Variants in CFAP70 observed in about 807,000 individuals in gnomAD.
CFAP70 encodes the protein cilia- and flagella-associated protein 70.
CFAP70 carries 81 observed loss-of-function variants against 137.6 expected under a neutral mutation model. That is an observed-to-expected ratio of 0.59 (90% confidence interval 0.49 to 0.71). CFAP70 has a LOEUF of 0.71. Among genes scored for constraint, CFAP70 ranks in the 30% least tolerant of loss-of-function variants. CFAP70 has a pLI of 0.00. For missense variants in CFAP70, 976 were observed against 1,226.7 expected (o/e 0.80, Z 3.05); for synonymous variants, 382 against 423.6 (o/e 0.90, Z 1.20).
intron 3 of CFAP70, among the ~76,000 whole-genome samples, chr10:73,352,521 C>A (rs569860857): frequency 1.3e-5 from 2 of 152,228 alleles, no homozygotes; most frequent in African/African-American, 4.8e-5. Flanking sequence ...CAGGTTGCCA[C>A]CTTCTTCAGC....
chr10:73,300,098 TC>T (rs2048838943), intron 12 of CFAP70, among the ~76,000 whole-genome samples: 1 of 152,144 alleles, frequency 6.6e-6, no homozygotes, highest in Admixed American at 6.5e-5. Flanking sequence ...TCTTCTTTCC[TC>T]CCCGTCTACA....
intron 10 of CFAP70, among the ~76,000 whole-genome samples, chr10:73,312,139 T>C (rs1252973293): frequency 6.6e-6 from 1 of 151,712 alleles, no homozygotes; most frequent in Non-Finnish European, 1.5e-5. Flanking sequence ...TAAGTGGGAG[T>C]TGAACCATGA....
chr10:73,254,219 C>A, intron 26 of CFAP70, 164 bp from the exon 28 acceptor site: 1 of 442,202 alleles, frequency 2.3e-6, no homozygotes, highest in Non-Finnish European at 4.0e-6. Flanking sequence ...AGTAGAAGAC[C>A]TTAGAACCTT....
chr10:73,310,558 C>G (rs372988244), intron 11 of CFAP70, among the ~76,000 whole-genome samples: 7 of 152,260 alleles, frequency 4.6e-5, no homozygotes, highest in African/African-American at 1.7e-4. Context: ...AAGTGAATGC[C>G]TTTCTTTCTT....
At chr10:73,333,916 G>A (rs1457028035) in intron 7 of CFAP70, among the ~76,000 whole-genome samples, 1 of 152,128 alleles carries the variant, frequency 6.6e-6, no homozygotes, top group East Asian at 1.9e-4. Flanking sequence ...TGGCAACAAT[G>A]TATCCTCAAT....
chr10:73,293,138 TGGA>T, intron 16 of CFAP70, 122 bp downstream of exon 17: 1 of 1,002,392 alleles, frequency 1.0e-6, no homozygotes, highest in Non-Finnish European at 1.4e-6. Context: ...AACCTATTTT[TGGA>T]CTTTATTGTT....
At chr10:73,293,876 C>T (rs2048348369) in intron 15 of CFAP70, 1 of 152,182 alleles carries the variant, frequency 6.6e-6, no homozygotes, top group Non-Finnish European at 1.5e-5. Flanking sequence ...GAAATATAGA[C>T]TGATAGATCC....
At position 73,278,352 on chromosome 10, in the gene CFAP70, T is replaced by C. The variant is rs773862989; in HGVS notation, c.2240-15A>G. 3.8e-5 allele frequency: 61 copies of C among 1,596,822 alleles called. No homozygotes were observed. The East Asian group carries it at 1.4e-3, about 36-fold the overall frequency. On this transcript the variant is annotated splice_polypyrimidine_tract_variant and intron_variant, in intron 19 of 26. Coordinates refer to ENST00000310715, the Ensembl canonical transcript of CFAP70. Reference sequence around the variant, plus strand: ...AGCTCCTGGTCCTAAATAGATTACATTTTAATGAAAAATAAAACTTCTTAC... The same window carrying C: ...AGCTCCTGGTCCTAAATAGATTACACTTTAATGAAAAATAAAACTTCTTAC...
At chr10:73,341,040 A>T (rs2053207699) in intron 6 of CFAP70, among the ~76,000 whole-genome samples, 1 of 152,176 alleles carries the variant, frequency 6.6e-6, no homozygotes, top group South Asian at 2.1e-4. Context: ...CAGACTGGCC[A>T]CTGCTGCCAT....
intron 24 of CFAP70, chr10:73,272,684 A>AT (rs541226551): frequency 8.9e-5 from 51 of 573,260 alleles, no homozygotes; most frequent in South Asian, 3.5e-4. Context: ...AATAACATGA[A>AT]TTTTTTTTAT....
exon 19 of CFAP70, chr10:73,291,387 G>A (rs2048170788): frequency 6.2e-7 from 1 of 1,614,028 alleles, no homozygotes; most frequent in African/African-American, 1.3e-5. Context: ...CTGTTTGGAG[G>A]CCTCATGAAA....
intron 9 of CFAP70, among the ~76,000 whole-genome samples, chr10:73,320,291 T>C (rs909362707): frequency 2.0e-5 from 3 of 152,286 alleles, no homozygotes; most frequent in Admixed American, 6.5e-5. Context: ...ATCTATATTA[T>C]ATGTAACATT....
Position 73,291,217 on chromosome 10 carries a change from T to G in CFAP70, c.2239+9A>C. 6.2e-7 allele frequency: 1 copy of G among 1,613,744 alleles called. No individual in the cohort carries two copies. Among genetic ancestry groups the G allele is most frequent in the Non-Finnish European group, 8.5e-7 (1 of 1,179,710 alleles). ...ATAGCCACTCTTCACCTCTATTCCC[T>G]GGCTCTACCTGCTGGGGCTTCCACC... On this transcript the variant is annotated intron_variant, in intron 19 of 26. Transcript: ENST00000310715.
At chr10:73,283,415 C>T (rs562152495) in intron 19 of CFAP70, among the ~76,000 whole-genome samples, 74 of 152,248 alleles carry the variant, frequency 4.9e-4, no homozygotes, top group East Asian at 1.5e-3. Context: ...CTATCAAATA[C>T]GGAGATAGGG....
At chr10:73,264,214 C>G (rs1046394223) in intron 25 of CFAP70, among the ~76,000 whole-genome samples, 7 of 152,124 alleles carry the variant, frequency 4.6e-5, no homozygotes, top group Admixed American at 1.3e-4. Flanking sequence ...GGCCATCTTC[C>G]AAGAAGCCTC....
At chr10:73,297,200 G>T in intron 14 of CFAP70, 27 bp from the exon 16 acceptor site, 1 of 1,605,226 alleles carries the variant, frequency 6.2e-7, no homozygotes, top group Non-Finnish European at 8.5e-7. Flanking sequence ...TCACCCATCT[G>T]ATAATACAGT....
At chr10:73,324,380 T>C (rs1223921345) in intron 8 of CFAP70, among the ~76,000 whole-genome samples, 1 of 151,834 alleles carries the variant, frequency 6.6e-6, no homozygotes. Context: ...ACCACAAAGA[T>C]GGGGAAAAAA....
rs1447103862 is a variant in CFAP70, at chr10:73,275,058, C to T, written c.2673+388G>A. ...GCAATGGCTCAATCTCCGCTCACTG[C>T]AACCTCCGCCTCCCAGGTTCAGGCG... is the stretch of plus-strand genomic sequence containing the variant. On this transcript the variant is annotated intron_variant, in intron 22 of 26. Transcript: ENST00000310715. The surrounding 1 kb of genome is among the most constrained non-coding windows in gnomAD (Gnocchi z 4.0). 3.1e-5 allele frequency: 5 copies of T among 162,406 alleles called. No homozygotes were observed. The East Asian group carries it at 5.5e-4, about 18-fold the overall frequency. The allele number at this position is 162,406 out of a possible 1,614,324, so 10.1% of individuals were successfully genotyped here. A position where few individuals can be genotyped will look rare whatever the true frequency, so the allele number is the denominator to read the frequency against.
intron 3 of CFAP70, among the ~76,000 whole-genome samples, chr10:73,349,394 T>C (rs1229513328): frequency 6.6e-6 from 1 of 151,840 alleles, no homozygotes; most frequent in Non-Finnish European, 1.5e-5. Context: ...AACAACAAAA[T>C]TAGCCAGGCG....
Sources: allele counts gnomAD v4.1 joint callset (sites outside exome capture counted in the v4.1 genomes callset), GRCh38; gene constraint gnomAD v4.1.1; non-coding constraint Gnocchi (gnomAD v3.1); transcripts MANE v1.5; gene names NCBI Gene and HGNC (gene_info 2026-07-23, HGNC 2026-07-21).